CAMK1D: variants seen among roughly 807,000 people sequenced by gnomAD.
The protein encoded by CAMK1D is calcium/calmodulin dependent protein kinase ID.
CAMK1D carries 9 observed loss-of-function variants against 47.7 expected under a neutral mutation model. The observed-to-expected ratio is 0.19, with a 90% confidence interval of 0.11 to 0.33. CAMK1D has a LOEUF of 0.33. Among genes scored for constraint, CAMK1D ranks in the 10% least tolerant of loss-of-function variants. CAMK1D has a pLI of 1.00. For synonymous variants in CAMK1D, 184 were observed against 184.9 expected (o/e 0.99, Z 0.04); for missense variants, 291 against 488.7 (o/e 0.60, Z 3.81).
At chr10:12,666,055 G>C (rs1840419399) in intron 2 of CAMK1D, among the ~76,000 whole-genome samples, 1 of 152,172 alleles carries the variant, frequency 6.6e-6, no homozygotes, top group South Asian at 2.1e-4. Context: ...CGTGGGGCCT[G>C]ATAATTTGCA....
Position 12,814,311 on chromosome 10 carries a change from G to A in CAMK1D, c.754+4G>A, listed in dbSNP as rs1277190010. ...TGGGATGACATCTCCGACTCTGGTAGGTCTCCCATAGGCAGCTCCCAGTGG... is the reference window on the plus strand; with the variant it reads ...TGGGATGACATCTCCGACTCTGGTAAGTCTCCCATAGGCAGCTCCCAGTGG... On this transcript the variant is annotated splice_donor_region_variant and intron_variant, in intron 7 of 10. Coordinates refer to ENST00000619168, the MANE Select transcript of CAMK1D (RefSeq NM_153498.4). 3.8e-6 allele frequency: 6 copies of A among 1,593,692 alleles called. No individual in the cohort carries two copies. The highest frequency in any genetic ancestry group is 2.6e-6 in the Non-Finnish European group (3 of 1,161,538).
At chr10:12,458,517 A>G (rs1665542620) in intron 1 of CAMK1D, among the ~76,000 whole-genome samples, 2 of 152,164 alleles carry the variant, frequency 1.3e-5, no homozygotes, top group South Asian at 4.1e-4. Context: ...CCTGGCCTCA[A>G]GTGATCCTCC....
At chr10:12,655,800 G>A (rs568587730) in intron 2 of CAMK1D, among the ~76,000 whole-genome samples, 9 of 152,270 alleles carry the variant, frequency 5.9e-5, no homozygotes, top group South Asian at 4.1e-4. Flanking sequence ...AGGAAAAGTG[G>A]GTCTTTTCTG....
intron 3 of CAMK1D, among the ~76,000 whole-genome samples, chr10:12,676,379 G>C (rs529828510): frequency 6.6e-6 from 1 of 152,044 alleles, no homozygotes; most frequent in African/African-American, 2.4e-5. Flanking sequence ...CCACCACCTC[G>C]TGACACACAT....
intron 2 of CAMK1D, among the ~76,000 whole-genome samples, chr10:12,613,668 C>T (rs529666761): frequency 3.9e-5 from 6 of 152,174 alleles, no homozygotes; most frequent in South Asian, 2.1e-4. Flanking sequence ...TTAGTAGAGA[C>T]GGGGTTTCAC....
intron 3 of CAMK1D, among the ~76,000 whole-genome samples, chr10:12,678,546 TTA>T (rs1337953343): frequency 3.3e-5 from 5 of 152,218 alleles, no homozygotes; most frequent in African/African-American, 1.2e-4. Flanking sequence ...CTCACTGGTC[TTA>T]TGTTTGGTTG....
chr10:12,627,256 G>C (rs1839247545), intron 2 of CAMK1D, among the ~76,000 whole-genome samples: 1 of 151,528 alleles, frequency 6.6e-6, no homozygotes, highest in Admixed American at 6.6e-5. Context: ...TAATTTTTTT[G>C]TATTTTTTTA....
At chr10:12,763,622 T>C (rs1243509066) in intron 4 of CAMK1D, among the ~76,000 whole-genome samples, 4 of 152,196 alleles carry the variant, frequency 2.6e-5, no homozygotes, top group Non-Finnish European at 5.9e-5. Context: ...TCTGGAATTG[T>C]TAACAGCTAC....
intron 2 of CAMK1D, among the ~76,000 whole-genome samples, chr10:12,651,087 C>A (rs1839948586): frequency 6.6e-6 from 1 of 152,192 alleles, no homozygotes; most frequent in Non-Finnish European, 1.5e-5. Flanking sequence ...GCTCCCACCT[C>A]CTCCTTCCTC....
intron 2 of CAMK1D, among the ~76,000 whole-genome samples, chr10:12,645,492 C>T (rs1310979892): frequency 1.3e-5 from 2 of 152,152 alleles, no homozygotes; most frequent in South Asian, 2.1e-4. Flanking sequence ...AGAATTGATT[C>T]AGTAAAACAA....
At chr10:12,652,882 TTTAA>T (rs1192226578) in intron 2 of CAMK1D, among the ~76,000 whole-genome samples, 2 of 152,250 alleles carry the variant, frequency 1.3e-5, no homozygotes, top group Admixed American at 6.5e-5. Flanking sequence ...TGCTGCTCTT[TTTAA>T]TTGTGACTCA....
At chr10:12,826,533 T>G (rs1199328677) in intron 10 of CAMK1D, among the ~76,000 whole-genome samples, 1 of 152,218 alleles carries the variant, frequency 6.6e-6, no homozygotes, top group Non-Finnish European at 1.5e-5. Context: ...TCTCCCCAAC[T>G]GCTCCTCTCT....
At chr10:12,581,291 A>G (rs1420376493) in intron 2 of CAMK1D, among the ~76,000 whole-genome samples, 1 of 152,086 alleles carries the variant, frequency 6.6e-6, no homozygotes, top group Non-Finnish European at 1.5e-5. Context: ...TCGTTGATTG[A>G]TGGGCATTTG....
At chr10:12,635,319 A>G (rs1236350470) in intron 2 of CAMK1D, among the ~76,000 whole-genome samples, 3 of 152,292 alleles carry the variant, frequency 2.0e-5, no homozygotes, top group African/African-American at 7.2e-5. Flanking sequence ...TTTCTTGAGA[A>G]AGTCACTGCC....
chr10:12,575,145 C>T (rs749073813), intron 2 of CAMK1D, among the ~76,000 whole-genome samples: 2 of 151,890 alleles, frequency 1.3e-5, no homozygotes, highest in Non-Finnish European at 2.9e-5. Context: ...CAGGCTGTAG[C>T]GTAGTGGCAC....
At chr10:12,564,210 T>C (rs1321537948) in intron 2 of CAMK1D, among the ~76,000 whole-genome samples, 1 of 151,152 alleles carries the variant, frequency 6.6e-6, no homozygotes, top group African/African-American at 2.4e-5. Flanking sequence ...AAAGTCAGAA[T>C]AGCTTACATT....
intron 2 of CAMK1D, among the ~76,000 whole-genome samples, chr10:12,663,248 A>C (rs1840331008): frequency 6.6e-6 from 1 of 152,202 alleles, no homozygotes; most frequent in Non-Finnish European, 1.5e-5. Flanking sequence ...GGCATGAGCA[A>C]CCGTGCCCGG....
chr10:12,760,822 G>A lies in CAMK1D; in HGVS notation c.300-126G>A, dbSNP rs1836467682. The stretch of plus-strand genomic sequence containing the variant: ...GGCTATAGCCTCTGAGGAATAGGGG[G>A]GCAACATCTCAATCTGAAGATGGAT... On this transcript the variant is annotated intron_variant, in intron 3 of 10. Coordinates refer to ENST00000619168, the MANE Select transcript of CAMK1D (RefSeq NM_153498.4). The A allele has an allele frequency of 4.0e-5, 39 of 979,404 alleles. No homozygotes were observed. The South Asian group carries it at 5.0e-4, about 13-fold the overall frequency. The allele number at this position is 979,404 out of a possible 1,614,324, so 60.7% of individuals were successfully genotyped here. A position where few individuals can be genotyped will look rare whatever the true frequency, so the allele number is the denominator to read the frequency against.
At chr10:12,565,224 A>G (rs983236263) in intron 2 of CAMK1D, among the ~76,000 whole-genome samples, 9 of 151,866 alleles carry the variant, frequency 5.9e-5, no homozygotes, top group Non-Finnish European at 1.2e-4. Flanking sequence ...AAACGAATAA[A>G]TACCTACATA....
Sources: allele counts gnomAD v4.1 joint callset (sites outside exome capture counted in the v4.1 genomes callset), GRCh38; gene constraint gnomAD v4.1.1; transcripts MANE v1.5; gene names NCBI Gene and HGNC (gene_info 2026-07-23, HGNC 2026-07-21).